The following SMC5 variants were observed in gnomAD, a reference collection of about 807,000 sequenced individuals.
The protein encoded by SMC5 is structural maintenance of chromosomes 5.
In SMC5, 88 loss-of-function variants were observed where a neutral mutation model predicts 148.3. That is an observed-to-expected ratio of 0.59 (90% CI 0.50 to 0.71). SMC5 has a LOEUF of 0.71. Ranked by LOEUF, SMC5 falls within the 30% of genes least tolerant of loss-of-function variation. SMC5 has a pLI of 0.00. For missense variants in SMC5, 1,142 were observed against 1,298.9 expected (o/e 0.88, Z 1.86); for synonymous variants, 421 against 432.8 (o/e 0.97, Z 0.34).
intron 11 of SMC5, among the ~76,000 whole-genome samples, chr9:70,305,941 T>G (rs550453683): frequency 6.4e-4 from 98 of 152,318 alleles, no homozygotes; most frequent in Non-Finnish European, 1.3e-3. Context: ...GTTTTATGCT[T>G]CAGTTTTCTT....
chr9:70,347,200 C>G, intron 20 of SMC5, 39 bp downstream of exon 20: 1 of 1,519,398 alleles, frequency 6.6e-7, no homozygotes. Flanking sequence ...CATCCAACCA[C>G]CACCACCACC....
At position 70,354,003 on chromosome 9, in the gene SMC5, G is replaced by C. The variant is rs1219440485; in HGVS notation, c.*1672G>C. 3.9e-5 allele frequency: 6 copies of C among 152,128 alleles called. No homozygotes were observed. The highest frequency in any genetic ancestry group is 8.8e-5 in the Non-Finnish European group (6 of 68,012). 9.4% of individuals were successfully genotyped at this position (152,128 alleles called of 1,614,324 possible). On this transcript the variant is annotated 3_prime_UTR_variant, in exon 25 of 25. Coordinates refer to ENST00000361138, the MANE Select transcript of SMC5 (RefSeq NM_015110.4). ...AAAAAGACACGTGAAGATTAAGCAT[G>C]TTTGAAAATAAAATGGTCAATTACA...
chr9:70,317,986 A>G (rs185874181), intron 13 of SMC5, among the ~76,000 whole-genome samples: 2 of 138,876 alleles, frequency 1.4e-5, no homozygotes, highest in East Asian at 4.0e-4. Context: ...TTTAGATGTA[A>G]CAAAGCTCCA....
At chr9:70,348,866 A>G (rs1159249221) in intron 22 of SMC5, among the ~76,000 whole-genome samples, 2 of 152,130 alleles carry the variant, frequency 1.3e-5, no homozygotes, top group Non-Finnish European at 1.5e-5. Context: ...AGGCCAAGGC[A>G]GGAGGATCAC....
At chr9:70,323,781 A>C (rs2036008955) in intron 16 of SMC5, among the ~76,000 whole-genome samples, 175 bp downstream of exon 16, 1 of 152,156 alleles carries the variant, frequency 6.6e-6, no homozygotes, top group Non-Finnish European at 1.5e-5. Context: ...TTTTCTTTAG[A>C]GGTAATAAAT....
rs1014806774 is a variant in SMC5, at chr9:70,354,509, G to A, written c.*2178G>A. 6.6e-6 allele frequency: 1 copy of A among 152,196 alleles called. No individual in the cohort carries two copies. The highest frequency in any genetic ancestry group is 6.5e-5 in the Admixed American group (1 of 15,284). The allele number at this position is 152,196 out of a possible 1,614,324, so 9.4% of individuals were successfully genotyped here. Reference sequence around the variant, plus strand: ...CAAAGTGCTGGGATTATAGGCGTGAGCCCCTGCACCCGGCCAAAAGTTGAT... The same window carrying A: ...CAAAGTGCTGGGATTATAGGCGTGAACCCCTGCACCCGGCCAAAAGTTGAT... On this transcript the variant is annotated 3_prime_UTR_variant, in exon 25 of 25. Transcript: ENST00000361138.
chr9:70,323,835 ACT>A (rs1389405508), intron 16 of SMC5, among the ~76,000 whole-genome samples, 184 bp from the exon 17 acceptor site: 2 of 152,114 alleles, frequency 1.3e-5, no homozygotes, highest in Non-Finnish European at 2.9e-5. Context: ...ATTCCAGATG[ACT>A]CTCTTAAAAA....
intron 15 of SMC5, among the ~76,000 whole-genome samples, chr9:70,322,489 A>G (rs1302722975): frequency 6.6e-6 from 1 of 152,352 alleles, no homozygotes; most frequent in East Asian, 1.9e-4. Context: ...TAATTCATCC[A>G]AAAGACTGTT....
intron 11 of SMC5, among the ~76,000 whole-genome samples, chr9:70,308,854 C>A (rs2035579987): frequency 6.6e-6 from 1 of 151,828 alleles, no homozygotes; most frequent in South Asian, 2.1e-4. Flanking sequence ...AAACATTGAC[C>A]TTATATCCTG....
At chr9:70,296,171 A>G (rs1402272679) in intron 8 of SMC5, among the ~76,000 whole-genome samples, 1 of 152,204 alleles carries the variant, frequency 6.6e-6, no homozygotes, top group Non-Finnish European at 1.5e-5. Flanking sequence ...ATCAGAGAAC[A>G]TTATGCACAA....
chr9:70,322,339 C>T (rs192587982), intron 15 of SMC5, among the ~76,000 whole-genome samples: 3 of 152,260 alleles, frequency 2.0e-5, no homozygotes, highest in East Asian at 1.9e-4. Context: ...ACTTTCTCCT[C>T]GTAAAGTAAT....
rs753031706 is a variant in SMC5, at chr9:70,278,642, A to G, written c.678+17A>G. ...CAGCTCGAGGTACTTTAAATAGACAACTCATTTGTATTGTTTCTTATTGAT... is the reference window on the plus strand; with the variant it reads ...CAGCTCGAGGTACTTTAAATAGACAGCTCATTTGTATTGTTTCTTATTGAT... On this transcript the variant is annotated intron_variant, in intron 5 of 24. Transcript: ENST00000361138. 6.3e-7 allele frequency: 1 copy of G among 1,590,490 alleles called. No homozygotes were observed. Among genetic ancestry groups the G allele is most frequent in the East Asian group, 2.2e-5 (1 of 44,476 alleles).
chr9:70,320,446 T>C (rs951436852), intron 15 of SMC5, among the ~76,000 whole-genome samples: 1 of 152,140 alleles, frequency 6.6e-6, no homozygotes, highest in African/African-American at 2.4e-5. Flanking sequence ...GGGACAAAAA[T>C]GGATGGTTAT....
chr9:70,309,433 C>T (rs898780345), intron 11 of SMC5, among the ~76,000 whole-genome samples: 1 of 149,744 alleles, frequency 6.7e-6, no homozygotes, highest in Admixed American at 6.7e-5. Context: ...AGCCACCGCG[C>T]CCAGCCTAGA....
intron 1 of SMC5, among the ~76,000 whole-genome samples, chr9:70,260,254 G>A (rs2034077447): frequency 6.6e-6 from 1 of 152,124 alleles, no homozygotes; most frequent in Non-Finnish European, 1.5e-5. Flanking sequence ...ACAGCCAGCC[G>A]CCACCACGCC....
chr9:70,273,772 A>T (rs2034512902), intron 3 of SMC5, among the ~76,000 whole-genome samples: 1 of 152,186 alleles, frequency 6.6e-6, no homozygotes, highest in Non-Finnish European at 1.5e-5. Context: ...GTGCAGTTAA[A>T]TATATAGAGA....
intron 2 of SMC5, 104 bp downstream of exon 2, chr9:70,264,549 T>C: frequency 9.2e-7 from 1 of 1,086,290 alleles, no homozygotes; most frequent in Non-Finnish European, 1.3e-6. Context: ...AACTTAATAG[T>C]GCATGAATAC....
intron 2 of SMC5, among the ~76,000 whole-genome samples, chr9:70,265,288 G>A (rs975978924): frequency 6.6e-6 from 1 of 151,968 alleles, no homozygotes; most frequent in African/African-American, 2.4e-5. Flanking sequence ...GTGAAACCCC[G>A]TCTCTACTAA....
chr9:70,287,763 G>A (rs1285798191), intron 8 of SMC5, among the ~76,000 whole-genome samples: 5 of 152,148 alleles, frequency 3.3e-5, no homozygotes, highest in African/African-American at 9.7e-5. Context: ...ATGAGAAGGA[G>A]GATATGAATA....
Sources: gnomAD v4.1 joint callset for allele counts (sites outside exome capture counted in the v4.1 genomes callset) on GRCh38, gnomAD v4.1.1 for gene constraint, MANE v1.5 for transcripts, NCBI Gene and HGNC (gene_info 2026-07-23, HGNC 2026-07-21) for gene names.